The following AQP6 variants were observed in gnomAD, a reference collection of about 807,000 sequenced individuals.
The protein encoded by AQP6 is aquaporin-6.
A neutral mutation model predicts 16.3 loss-of-function variants in AQP6; 14 were observed. The observed-to-expected ratio is 0.86, with a 90% CI of 0.57 to 1.34. The LOEUF (loss-of-function observed/expected upper bound fraction) is 1.34. Among genes scored for constraint, AQP6 ranks in the 40% most tolerant of loss-of-function variants. The pLI, the probability that AQP6 is intolerant of heterozygous loss-of-function variation, is 0.00. For missense variants in AQP6, 331 were observed against 379.7 expected (o/e 0.87, Z 1.07); for synonymous variants, 178 against 166.8 (o/e 1.07, Z -0.52).
At position 49,977,133 on chromosome 12, in the gene AQP6, T is replaced by C. The variant is rs1947581025; in HGVS notation, c.*1462T>C. 1 of 682,006 alleles carries C rather than the reference T, an allele frequency of 1.5e-6. No individual in the cohort carries two copies. Among genetic ancestry groups the C allele is most frequent in the East Asian group, 2.7e-5 (1 of 37,010 alleles). 42.2% of individuals were successfully genotyped at this position (682,006 alleles called of 1,614,324 possible). A position where few individuals can be genotyped will look rare whatever the true frequency, so the allele number is the denominator to read the frequency against. On this transcript the variant is annotated 3_prime_UTR_variant, in exon 4 of 4. Transcript: ENST00000315520. The stretch of plus-strand genomic sequence containing the variant: ...AAAAACAACCCCAATAAATGATGAT[T>C]ATTGTTGCTGTTACTGTAATTATTG...
At chr12:49,974,556 G>C in intron 2 of AQP6, 74 bp downstream of exon 2, 1 of 1,507,232 alleles carries the variant, frequency 6.6e-7, no homozygotes, top group Non-Finnish European at 9.0e-7. Context: ...AGCCCTGAAG[G>C]CCAGGCAGTG....
rs771913203 is a variant in AQP6 at position 49,974,819 on chromosome 12, T to C, written c.635T>C (p.Val212Ala). The change falls in exon 3 of 4, where the codon GTC becomes GCC. Residue 212 changes from valine to alanine, a missense_variant. Physicochemically the swap from Val to Ala is moderately conservative, Grantham distance 64. Transcript: ENST00000315520. ...GPAIIIGKFT[V>A]HWVFWVGPLM... ...GCCATCATCATTGGGAAGTTCACAG[T>C]CCACTGGGTGAGCCCCTCTGCTGGC... 3 of 1,614,116 alleles carry C rather than the reference T, an allele frequency of 1.9e-6. No individual in the cohort carries two copies. The highest frequency in any genetic ancestry group is 2.5e-6 in the Non-Finnish European group (3 of 1,179,976).
chr12:49,975,608 G>C lies in AQP6; in HGVS notation c.786G>C (p.Gly262=). Residue 262 remains glycine (G), a synonymous_variant, in exon 4 of 4, where the codon GGG becomes GGC. Coordinates refer to ENST00000315520, the MANE Select transcript of AQP6 (RefSeq NM_001652.4). The surrounding 1 kb of genome is among the most constrained non-coding windows in gnomAD (Gnocchi z 4.4). The stretch of plus-strand genomic sequence containing the variant: ...AGGTGGGGACAGGGGCAGGGGCAGG[G>C]GCGGAGCCCCTGAAGAAGGAATCCC... ...TVEVGTGAGA[G]AEPLKKESQP... is the part of the protein sequence containing the mutation. 6.3e-7 allele frequency: 1 copy of C among 1,595,944 alleles called. No individual in the cohort carries two copies. Among genetic ancestry groups the C allele is most frequent in the Non-Finnish European group, 8.5e-7 (1 of 1,175,126 alleles).
chr12:49,975,224 G>T lies in AQP6; in HGVS notation c.643-241G>T. On this transcript the variant is annotated intron_variant, in intron 3 of 3. Transcript: ENST00000315520. This position sits in a 1 kb window ranked among gnomAD's most constrained non-coding sequence, Gnocchi z 4.4. ...GGGCGGGTGAGGAGACTGGCCCCAG[G>T]CCCCAGCCACGGCTGCAGAGCCTGG... 1 of 1,323,862 alleles carries T rather than the reference G, an allele frequency of 7.6e-7. No homozygotes were observed. Among genetic ancestry groups the T allele is most frequent in the Admixed American group, 3.7e-5 (1 of 27,066 alleles). The allele number at this position is 1,323,862 out of a possible 1,614,324, so 82.0% of individuals were successfully genotyped here. A position where few individuals can be genotyped will look rare whatever the true frequency, so the allele number is the denominator to read the frequency against.
intron 2 of AQP6, 35 bp from the exon 3 acceptor site, chr12:49,974,711 C>A (rs781777939): frequency 3.7e-6 from 6 of 1,610,576 alleles, no homozygotes; most frequent in South Asian, 1.1e-5. Context: ...CTGCCTTAAA[C>A]CTTCTCCCAC....
chr12:49,973,293 T>C lies in AQP6; in HGVS notation c.120T>C (p.Phe40=). 1 of 1,613,862 alleles carries C rather than the reference T, an allele frequency of 6.2e-7. No individual in the cohort carries two copies. Among genetic ancestry groups the C allele is most frequent in the Non-Finnish European group, 8.5e-7 (1 of 1,180,032 alleles). ...TGGCCACGGGGCTGTATGTGTTCTT[T>C]GGCGTGGGCTCAGTCATGCGCTGGC... is the stretch of plus-strand genomic sequence containing the variant. ...EFLATGLYVF[F]GVGSVMRWPT... is the part of the protein sequence containing the mutation. The change falls in exon 1 of 4, where the codon TTT becomes TTC. Residue 40 remains phenylalanine (F), a synonymous_variant. Transcript: ENST00000315520.
chr12:49,975,700 G>T lies in AQP6; in HGVS notation c.*29G>T, dbSNP rs145995759. On this transcript the variant is annotated 3_prime_UTR_variant, in exon 4 of 4. Coordinates refer to ENST00000315520, the MANE Select transcript of AQP6 (RefSeq NM_001652.4). This position sits in a 1 kb window ranked among gnomAD's most constrained non-coding sequence, Gnocchi z 4.4. Reference sequence around the variant, plus strand: ...AGCCTACGCCTGGCCGCGCCCTTGGGCTTCCTGCCTTGCAGGACCTGCCTG... The same window carrying T: ...AGCCTACGCCTGGCCGCGCCCTTGGTCTTCCTGCCTTGCAGGACCTGCCTG... The T allele has an allele frequency of 8.7e-5, 129 of 1,487,052 alleles. 1 individual carries two copies. The African/African-American group carries it at 1.5e-3, about 17-fold the overall frequency. 92.1% of individuals were successfully genotyped at this position (1,487,052 alleles called of 1,614,324 possible). A position where few individuals can be genotyped will look rare whatever the true frequency, so the allele number is the denominator to read the frequency against.
Position 49,975,936 on chromosome 12 carries a change from C to G in AQP6, c.*265C>G, listed in dbSNP as rs1592828869. On this transcript the variant is annotated 3_prime_UTR_variant, in exon 4 of 4. Transcript: ENST00000315520. The surrounding 1 kb of genome is among the most constrained non-coding windows in gnomAD (Gnocchi z 4.4). ...ATTTAGGATCGCCCTCCCATCCTCT[C>G]ACCCACTGGACCCCGTAGGAGTCCT... 4 of 346,660 alleles carry G rather than the reference C, an allele frequency of 1.2e-5. No individual in the cohort carries two copies. The East Asian group carries it at 1.9e-4, about 16-fold the overall frequency. 21.5% of individuals were successfully genotyped at this position (346,660 alleles called of 1,614,324 possible).
intron 1 of AQP6, 107 bp downstream of exon 1, chr12:49,973,682 G>T (rs1010599398): frequency 1.6e-5 from 22 of 1,404,766 alleles, no homozygotes; most frequent in Non-Finnish European, 1.9e-5. Context: ...AAACAAGTCA[G>T]CTGCAGGCTC....
chr12:49,975,026 G>T lies in AQP6; in HGVS notation c.642+200G>T. The T allele has an allele frequency of 1.4e-6, 2 of 1,398,276 alleles. No homozygotes were observed. The highest frequency in any genetic ancestry group is 3.3e-5 in the South Asian group (2 of 60,688). The allele number at this position is 1,398,276 out of a possible 1,614,324, so 86.6% of individuals were successfully genotyped here. A position where few individuals can be genotyped will look rare whatever the true frequency, so the allele number is the denominator to read the frequency against. On this transcript the variant is annotated intron_variant, in intron 3 of 3. Transcript: ENST00000315520. The surrounding 1 kb of genome is among the most constrained non-coding windows in gnomAD (Gnocchi z 4.4). ...GGCCAGGGCAGGAGCTGCAGCCTTG[G>T]CCCAGACTTTTAAGTCCTGGCTGTT...
In AQP6 at chr12:49,975,507, C is replaced by A; in HGVS notation, c.685C>A (p.Leu229Met). 4 of 1,612,734 alleles carry A rather than the reference C, an allele frequency of 2.5e-6. No homozygotes were observed. Among genetic ancestry groups the A allele is most frequent in the Non-Finnish European group, 3.4e-6 (4 of 1,179,544 alleles). The change falls in exon 4 of 4, where the codon CTG becomes ATG. Residue 229 changes from leucine (L) to methionine (M), a missense_variant. Leu to Met is a conservative substitution (Grantham distance 15). Transcript: ENST00000315520. This position sits in a 1 kb window ranked among gnomAD's most constrained non-coding sequence, Gnocchi z 4.4. ...CCTGATGGGAGCCCTCCTGGCCTCA[C>A]TGATCTACAACTTCGTCCTGTTCCC... ...GPLMGALLAS[L>M]IYNFVLFPDT...
chr12:49,972,966 T>A lies in AQP6; in HGVS notation c.-208T>A. On this transcript the variant is annotated 5_prime_UTR_variant, in exon 1 of 4. Coordinates refer to ENST00000315520, the MANE Select transcript of AQP6 (RefSeq NM_001652.4). ...ACCCCCATACACATGCATAAGCCCA[T>A]CCGCCTGCGCCCTGCCAGTCTGACC... The A allele has an allele frequency of 6.1e-6, 4 of 656,600 alleles. No individual in the cohort carries two copies. The highest frequency in any genetic ancestry group is 1.0e-5 in the Non-Finnish European group (4 of 398,656). The allele number at this position is 656,600 out of a possible 1,614,324, so 40.7% of individuals were successfully genotyped here. A position where few individuals can be genotyped will look rare whatever the true frequency, so the allele number is the denominator to read the frequency against.
chr12:49,977,009 T>C lies in AQP6; in HGVS notation c.*1338T>C, dbSNP rs1180635178. 1.4e-6 allele frequency: 1 copy of C among 702,404 alleles called. No homozygotes were observed. Among genetic ancestry groups the C allele is most frequent in the Admixed American group, 2.0e-5 (1 of 50,016 alleles). The allele number at this position is 702,404 out of a possible 1,614,324, so 43.5% of individuals were successfully genotyped here. A position where few individuals can be genotyped will look rare whatever the true frequency, so the allele number is the denominator to read the frequency against. ...CCACAACTTGGGGGTCCTTTCTGGA[T>C]CTCGGCTTCTCCAGCTGTAAAATGG... On this transcript the variant is annotated 3_prime_UTR_variant, in exon 4 of 4. Coordinates refer to ENST00000315520, the MANE Select transcript of AQP6 (RefSeq NM_001652.4).
chr12:49,973,373 C>A lies in AQP6; in HGVS notation c.200C>A (p.Ala67Asp), dbSNP rs1947543954. Reference sequence around the variant, plus strand: ...GCCATCACCTTCAACCTGGTCACCGCCATGGCTGTGCAGGTCACCTGGAAG... The same window carrying A: ...GCCATCACCTTCAACCTGGTCACCGACATGGCTGTGCAGGTCACCTGGAAG... ...QIAITFNLVTAMAVQVTWKAS... is the reference protein window; with the variant it reads ...QIAITFNLVTDMAVQVTWKAS... Residue 67 changes from alanine (A) to aspartate (D), a missense_variant, in exon 1 of 4, where the codon GCC (alanine) becomes GAC (aspartate). Coordinates refer to ENST00000315520, the MANE Select transcript of AQP6 (RefSeq NM_001652.4). 1 of 1,613,310 alleles carries A rather than the reference C, an allele frequency of 6.2e-7. No homozygotes were observed. Among genetic ancestry groups the A allele is most frequent in the African/African-American group, 1.3e-5 (1 of 74,966 alleles).
intron 1 of AQP6, chr12:49,973,860 G>C: frequency 3.2e-6 from 4 of 1,246,248 alleles, no homozygotes; most frequent in Non-Finnish European, 4.1e-6. Context: ...GCGGCCAAGG[G>C]AGTGCGGGGC....
In AQP6 at chr12:49,975,550, C is replaced by G; in HGVS notation, c.728C>G (p.Ala243Gly). Residue 243 changes from alanine to glycine, a missense_variant, in exon 4 of 4, where the codon GCG becomes GGG. Physicochemically the swap from Ala to Gly is moderately conservative, Grantham distance 60. Coordinates refer to ENST00000315520, the MANE Select transcript of AQP6 (RefSeq NM_001652.4). The surrounding 1 kb of genome is among the most constrained non-coding windows in gnomAD (Gnocchi z 4.4). ...FVLFPDTKTL[A>G]QRLAILTGTV... ...CTGTTCCCCGACACCAAGACCCTGG[C>G]GCAGCGGCTGGCTATCCTCACAGGC... 1 of 1,613,746 alleles carries G rather than the reference C, an allele frequency of 6.2e-7. No individual in the cohort carries two copies. Among genetic ancestry groups the G allele is most frequent in the Non-Finnish European group, 8.5e-7 (1 of 1,179,844 alleles).
In AQP6 at chr12:49,975,565, T is replaced by A; in HGVS notation, c.743T>A (p.Ile248Asn). ...DTKTLAQRLA[I>N]LTGTVEVGTG... is the part of the protein sequence containing the mutation. ...AAGACCCTGGCGCAGCGGCTGGCTA[T>A]CCTCACAGGCACCGTAGAGGTGGGG... The change falls in exon 4 of 4, where the codon ATC becomes AAC. Residue 248 changes from isoleucine (I) to asparagine (N), a missense_variant. Transcript: ENST00000315520. This position sits in a 1 kb window ranked among gnomAD's most constrained non-coding sequence, Gnocchi z 4.4. 6.2e-7 allele frequency: 1 copy of A among 1,613,210 alleles called. No homozygotes were observed. Among genetic ancestry groups the A allele is most frequent in the Non-Finnish European group, 8.5e-7 (1 of 1,179,704 alleles).
Position 49,974,443 on chromosome 12 carries a change from C to T in AQP6, c.522C>T (p.Thr174=). Residue 174 remains threonine (T), a synonymous_variant, in exon 2 of 4, where the codon ACC becomes ACT. Transcript: ENST00000315520. The part of the protein sequence containing the change: ...DSRQTSGSPA[T]MIGISVALGH... ...GTCAGACATCAGGCTCCCCGGCCAC[C>T]ATGATTGGGATCTCTGTGGCACTGG... 1 of 1,613,052 alleles carries T rather than the reference C, an allele frequency of 6.2e-7. No homozygotes were observed. Among genetic ancestry groups the T allele is most frequent in the Middle Eastern group, 1.7e-4 (1 of 6,056 alleles).
chr12:49,973,696 A>G, intron 1 of AQP6, 121 bp downstream of exon 1: 1 of 1,363,816 alleles, frequency 7.3e-7, no homozygotes, highest in Non-Finnish European at 9.7e-7. Flanking sequence ...CAGGCTCCAC[A>G]TCCTCCCGGG....
Sources: gnomAD v4.1 joint callset for allele counts on GRCh38, gnomAD v4.1.1 for gene constraint, Gnocchi (gnomAD v3.1) non-coding constraint, MANE v1.5 for transcripts, NCBI Gene and HGNC (gene_info 2026-07-23, HGNC 2026-07-21) for gene names.